The following IMMP2L variants were observed in gnomAD, a reference collection of about 807,000 sequenced individuals.
IMMP2L encodes mitochondrial inner membrane protease subunit 2.
In IMMP2L, 18 loss-of-function variants were observed where a neutral mutation model predicts 19.3. The observed-to-expected ratio is 0.93, with a 90% CI of 0.64 to 1.38. IMMP2L has a LOEUF of 1.38. Among genes scored for constraint, IMMP2L ranks in the 40% most tolerant of loss-of-function variants. The probability of loss-of-function intolerance (pLI) is 0.00; values close to 1 mark genes in which losing one functional copy is unlikely to be tolerated. For synonymous variants in IMMP2L, 76 were observed against 73.0 expected, an observed-to-expected ratio of 1.04 and a Z score of -0.21; for missense variants, 233 against 218.2, an observed-to-expected ratio of 1.07 and a Z score of -0.43.
At chr7:110,919,073 G>A (rs960552265) in intron 4 of IMMP2L, among the ~76,000 whole-genome samples, 1 of 152,110 alleles carries the variant, frequency 6.6e-6, no homozygotes, top group Admixed American at 6.5e-5. Context: ...CATACTAAAT[G>A]TACCAACCAT....
At chr7:111,276,240 T>G (rs886524375) in intron 3 of IMMP2L, among the ~76,000 whole-genome samples, 3 of 152,118 alleles carry the variant, frequency 2.0e-5, no homozygotes, top group African/African-American at 7.2e-5. Flanking sequence ...GTCTGTAATG[T>G]ATCAGATTTA....
intron 3 of IMMP2L, among the ~76,000 whole-genome samples, chr7:111,243,401 G>A (rs932596956): frequency 5.3e-5 from 8 of 151,682 alleles, no homozygotes; most frequent in African/African-American, 1.9e-4. Flanking sequence ...ATTCTTGCAT[G>A]GACTAGTAAT....
At chr7:111,145,951 G>A (rs917295877) in intron 3 of IMMP2L, among the ~76,000 whole-genome samples, 1 of 152,072 alleles carries the variant, frequency 6.6e-6, no homozygotes, top group African/African-American at 2.4e-5. Context: ...CCCATTCAGA[G>A]TAATTATTGA....
At chr7:111,397,373 C>T (rs558107585) in intron 3 of IMMP2L, among the ~76,000 whole-genome samples, 2 of 152,212 alleles carry the variant, frequency 1.3e-5, no homozygotes, top group East Asian at 3.9e-4. Flanking sequence ...TGCTAACCCA[C>T]CACTATTGGA....
intron 4 of IMMP2L, among the ~76,000 whole-genome samples, chr7:110,936,331 A>T (rs259021): frequency 0.5 from 75,978 of 151,976 alleles, 19,803 homozygotes; most frequent in East Asian, 0.85. Context: ...AGAATCTACA[A>T]GAAATGTAAA....
chr7:111,347,738 C>T (rs1357915602), intron 3 of IMMP2L, among the ~76,000 whole-genome samples: 1 of 151,880 alleles, frequency 6.6e-6, no homozygotes, highest in East Asian at 1.9e-4. Context: ...ATGAAAAAAA[C>T]AGGAGAGAAA....
intron 5 of IMMP2L, among the ~76,000 whole-genome samples, chr7:110,862,266 T>C (rs1438085106): frequency 3.3e-5 from 5 of 151,962 alleles, no homozygotes; most frequent in African/African-American, 7.2e-5. Flanking sequence ...CTGTGTTTTA[T>C]ACTTTTATAA....
chr7:110,707,004 A>ATTTTTTTTTT (rs60393281), intron 5 of IMMP2L, among the ~76,000 whole-genome samples: 1 of 114,304 alleles, frequency 8.7e-6, no homozygotes. Context: ...TTTTTTTTTA[A>ATTTTTTTTTT]TTTTTTTTTT....
chr7:111,178,119 G>A (rs1422499489), intron 3 of IMMP2L, among the ~76,000 whole-genome samples: 1 of 151,894 alleles, frequency 6.6e-6, no homozygotes, highest in African/African-American at 2.4e-5. Flanking sequence ...GGCGTACCTT[G>A]GAGATATTAC....
intron 3 of IMMP2L, among the ~76,000 whole-genome samples, chr7:111,463,469 T>C (rs1442765214): frequency 6.6e-6 from 1 of 152,016 alleles, no homozygotes; most frequent in Non-Finnish European, 1.5e-5. Context: ...AGTTGGCAAA[T>C]GGGAGGCACC....
At chr7:111,222,310 T>A (rs1812602440) in intron 3 of IMMP2L, among the ~76,000 whole-genome samples, 1 of 151,786 alleles carries the variant, frequency 6.6e-6, no homozygotes, top group Non-Finnish European at 1.5e-5. Flanking sequence ...AAAATACCTA[T>A]GCCTAACAAA....
chr7:111,286,222 CAGTT>C (rs1451428254), intron 3 of IMMP2L, among the ~76,000 whole-genome samples: 2 of 152,268 alleles, frequency 1.3e-5, no homozygotes, highest in East Asian at 3.9e-4. Flanking sequence ...TCAAAACCAA[CAGTT>C]AGAAGATTCT....
intron 3 of IMMP2L, among the ~76,000 whole-genome samples, chr7:111,349,825 T>A (rs1827960817): frequency 6.6e-6 from 1 of 152,114 alleles, no homozygotes; most frequent in Non-Finnish European, 1.5e-5. Flanking sequence ...TCTCCTATTG[T>A]CTCTCAGGAG....
Position 110,803,467 on chromosome 7 carries a change from T to C in IMMP2L, c.408+83126A>G, listed in dbSNP as rs1461962823. On this transcript the variant is annotated intron_variant, in intron 5 of 5. Transcript: ENST00000405709. This position sits in a 1 kb window ranked among gnomAD's most constrained non-coding sequence, Gnocchi z 4.2. ...CAGAATTTAGTGTTTAAGATGTTTA[T>C]AGAGAGTAGGAATCAATGGGATCAA... is the stretch of plus-strand genomic sequence containing the variant. Among the ~76,000 whole-genome samples, 3 of 152,042 alleles carry C rather than the reference T, an allele frequency of 2.0e-5. No individual in the cohort carries two copies. Among genetic ancestry groups the C allele is most frequent in the African/African-American group, 4.8e-5 (2 of 41,420 alleles).
intron 4 of IMMP2L, among the ~76,000 whole-genome samples, chr7:110,922,832 T>C (rs1377172476): frequency 2.0e-5 from 3 of 152,200 alleles, no homozygotes. Context: ...CTGGATGTAA[T>C]GTTTTTCTCA....
intron 3 of IMMP2L, among the ~76,000 whole-genome samples, chr7:111,281,263 G>A (rs10260040): frequency 0.35 from 46,121 of 133,190 alleles, 9,558 homozygotes; most frequent in South Asian, 0.58. Flanking sequence ...GAGAGAAAGA[G>A]AGAGAGAAAG....
intron 3 of IMMP2L, among the ~76,000 whole-genome samples, chr7:110,969,331 T>G (rs1051300182): frequency 2.6e-5 from 4 of 152,160 alleles, no homozygotes; most frequent in African/African-American, 9.6e-5. Context: ...TCAGCTACCT[T>G]TTTCCCCTTG....
At chr7:110,721,559 A>G (rs1216070079) in intron 5 of IMMP2L, among the ~76,000 whole-genome samples, 1 of 150,518 alleles carries the variant, frequency 6.6e-6, no homozygotes, top group Non-Finnish European at 1.5e-5. Flanking sequence ...AACAAAAAAC[A>G]AAAAAACACA....
rs1332916707 is a variant in IMMP2L at position 111,212,456 on chromosome 7, C to CA, written c.240-248892dup. Among the ~76,000 whole-genome samples, 8 of 151,972 alleles carry CA rather than the reference C, an allele frequency of 5.3e-5. No individual in the cohort carries two copies. The East Asian group carries it at 1.2e-3, about 22-fold the overall frequency. The stretch of plus-strand genomic sequence containing the variant: ...AAAGCCTGTCTCTACAAAAAACACA[C>CA]AAAAAATAGCCAGGTGTGGTGGTGC... On this transcript the variant is annotated intron_variant, in intron 3 of 5. Coordinates refer to ENST00000405709, the MANE Select transcript of IMMP2L (RefSeq NM_032549.4).
Sources: allele counts gnomAD v4.1 joint callset (sites outside exome capture counted in the v4.1 genomes callset), GRCh38; gene constraint gnomAD v4.1.1; non-coding constraint Gnocchi (gnomAD v3.1); transcripts MANE v1.5; gene names NCBI Gene and HGNC (gene_info 2026-07-23, HGNC 2026-07-21).